The following DYNLT5 variants were observed in gnomAD, a reference collection of about 807,000 sequenced individuals.
DYNLT5 encodes the protein dynein light chain Tctex-type family member 5, also known as dynein light chain Tctex-type 5.
In DYNLT5, 25 loss-of-function variants were observed where a neutral mutation model predicts 19.3. The ratio of observed to expected loss-of-function variants is 1.30; its 90% CI spans 0.95 to 1.81. DYNLT5 has a LOEUF of 1.81. DYNLT5 is among the 40% of genes most tolerant of loss of function. The pLI is 0.00. For synonymous variants in DYNLT5, 82 were observed against 68.9 expected, an observed-to-expected ratio of 1.19 and a Z score of -0.94; for missense variants, 232 against 217.9, an observed-to-expected ratio of 1.06 and a Z score of -0.41.
Position 66,778,857 on chromosome 1 carries a change from C to T in DYNLT5, c.*1403C>T, listed in dbSNP as rs563541855. ...GGAATATGTCTATGTAATAATTTATCACAACCAATATTTGTCAATCTCCAT... is the reference window on the plus strand; with the variant it reads ...GGAATATGTCTATGTAATAATTTATTACAACCAATATTTGTCAATCTCCAT... On this transcript the variant is annotated 3_prime_UTR_variant, in exon 5 of 5. Transcript: ENST00000282670. 2 of 151,866 alleles carry T rather than the reference C, an allele frequency of 1.3e-5. No individual in the cohort carries two copies. The highest frequency in any genetic ancestry group is 3.9e-4 in the East Asian group (2 of 5,172). The allele number at this position is 151,866 out of a possible 1,614,324, so 9.4% of individuals were successfully genotyped here.
intron 2 of DYNLT5, among the ~76,000 whole-genome samples, chr1:66,755,316 C>T (rs1305555578): frequency 6.6e-6 from 1 of 151,976 alleles, no homozygotes; most frequent in Non-Finnish European, 1.5e-5. Context: ...TGTGCTTGGT[C>T]ATTTCCCAGA....
chr1:66,763,587 G>A (rs553368468), intron 2 of DYNLT5, among the ~76,000 whole-genome samples: 1 of 152,350 alleles, frequency 6.6e-6, no homozygotes, highest in South Asian at 2.1e-4. Context: ...ACTTGCTGCA[G>A]CTTCTACATC....
intron 2 of DYNLT5, among the ~76,000 whole-genome samples, chr1:66,765,704 C>T (rs187463265): frequency 4.4e-4 from 65 of 148,848 alleles, no homozygotes; most frequent in African/African-American, 1.3e-3. Context: ...GGCGTGATCT[C>T]GGCTAACTGC....
intron 3 of DYNLT5, among the ~76,000 whole-genome samples, chr1:66,772,446 C>A (rs947273187): frequency 2.0e-5 from 3 of 152,224 alleles, no homozygotes; most frequent in Non-Finnish European, 1.5e-5. Context: ...CATGAGGGAT[C>A]CACCTTCCTG....
At chr1:66,754,615 G>T in intron 1 of DYNLT5, 41 bp from the exon 2 acceptor site, 1 of 1,556,822 alleles carries the variant, frequency 6.4e-7, no homozygotes, top group Non-Finnish European at 8.7e-7. Context: ...AAATGTTTCC[G>T]GATCTTTCTT....
At chr1:66,756,475 G>A (rs950424346) in intron 2 of DYNLT5, among the ~76,000 whole-genome samples, 13 of 152,164 alleles carry the variant, frequency 8.5e-5, no homozygotes, top group African/African-American at 3.1e-4. Context: ...TACAGGCATT[G>A]TTTTGAAATT....
At chr1:66,758,399 A>T (rs185137100) in intron 2 of DYNLT5, among the ~76,000 whole-genome samples, 5 of 152,288 alleles carry the variant, frequency 3.3e-5, no homozygotes, top group African/African-American at 1.2e-4. Context: ...CATGATGTCT[A>T]GGCTTGTTAT....
chr1:66,767,845 C>T (rs550178076), intron 2 of DYNLT5, among the ~76,000 whole-genome samples: 1 of 152,166 alleles, frequency 6.6e-6, no homozygotes, highest in Non-Finnish European at 1.5e-5. Flanking sequence ...CTCCTATAGG[C>T]TGCATTAGTT....
intron 2 of DYNLT5, among the ~76,000 whole-genome samples, chr1:66,755,250 C>G (rs1381643727): frequency 6.6e-6 from 1 of 152,108 alleles, no homozygotes; most frequent in African/African-American, 2.4e-5. Context: ...TAACCATTCT[C>G]TAATTATTGG....
intron 2 of DYNLT5, among the ~76,000 whole-genome samples, chr1:66,761,554 C>A (rs2094645953): frequency 6.6e-6 from 1 of 152,092 alleles, no homozygotes; most frequent in Non-Finnish European, 1.5e-5. Flanking sequence ...GGAGCCAAGG[C>A]AAGAGGATCA....
chr1:66,770,849 A>G, intron 3 of DYNLT5: 1 of 277,968 alleles, frequency 3.6e-6, no homozygotes. Flanking sequence ...GGTGAAGGAA[A>G]AAAAAAAACT....
intron 2 of DYNLT5, among the ~76,000 whole-genome samples, chr1:66,766,351 A>G (rs936158720): frequency 6.6e-6 from 1 of 152,212 alleles, no homozygotes; most frequent in African/African-American, 2.4e-5. Context: ...TATATACCCC[A>G]AAAATGTATT....
At position 66,753,094 on chromosome 1, in the gene DYNLT5, C is replaced by T. The variant is rs570135745; in HGVS notation, c.-4+510C>T. Among the ~76,000 whole-genome samples the T allele has an allele frequency of 9.2e-5, 14 of 152,284 alleles. No individual in the cohort carries two copies. The South Asian group carries it at 2.7e-3, about 29-fold the overall frequency. On this transcript the variant is annotated intron_variant, in intron 1 of 4. Transcript: ENST00000282670. ...ACAGACACACTTATACACACAGGCA[C>T]CTGCACACACAGAGATGCACACTCA... is the stretch of plus-strand genomic sequence containing the variant.
At chr1:66,761,402 A>G (rs2150861742) in intron 2 of DYNLT5, among the ~76,000 whole-genome samples, 1 of 152,342 alleles carries the variant, frequency 6.6e-6, no homozygotes, top group Non-Finnish European at 1.5e-5. Flanking sequence ...TCTTTTTGCT[A>G]GTGGAGGGCC....
chr1:66,762,907 A>G (rs28878898), intron 2 of DYNLT5, among the ~76,000 whole-genome samples: 12,012 of 152,238 alleles, frequency 0.079, 1,074 homozygotes, highest in African/African-American at 0.22. Flanking sequence ...GTTTGAGGCA[A>G]TGGATATCCC....
chr1:66,766,683 T>C (rs568128017), intron 2 of DYNLT5, among the ~76,000 whole-genome samples: 1 of 152,332 alleles, frequency 6.6e-6, no homozygotes, highest in Admixed American at 6.5e-5. Flanking sequence ...CTATTCAACA[T>C]TTTCCTTCTT....
chr1:66,774,195 T>A (rs1645221662), intron 3 of DYNLT5, among the ~76,000 whole-genome samples: 1 of 152,140 alleles, frequency 6.6e-6, no homozygotes. Flanking sequence ...CTTACCACCA[T>A]GAAAAACATG....
In DYNLT5 at chr1:66,778,296, C is replaced by T. The variant is rs1645248833; in HGVS notation, c.*842C>T. ...TTTTTCACAAAATATATGGCTGGCA[C>T]CTTAACAAATAAAGCATGTGTAGTT... On this transcript the variant is annotated 3_prime_UTR_variant, in exon 5 of 5. Coordinates refer to ENST00000282670, the MANE Select transcript of DYNLT5 (RefSeq NM_152665.3). 1 of 152,536 alleles carries T rather than the reference C, an allele frequency of 6.6e-6. No individual in the cohort carries two copies. Among genetic ancestry groups the T allele is most frequent in the East Asian group, 1.9e-4 (1 of 5,204 alleles). The allele number at this position is 152,536 out of a possible 1,614,324, so 9.4% of individuals were successfully genotyped here. A position where few individuals can be genotyped will look rare whatever the true frequency, so the allele number is the denominator to read the frequency against.
At position 66,778,607 on chromosome 1, in the gene DYNLT5, A is replaced by G. The variant is rs2150870747; in HGVS notation, c.*1153A>G. On this transcript the variant is annotated 3_prime_UTR_variant, in exon 5 of 5. Coordinates refer to ENST00000282670, the MANE Select transcript of DYNLT5 (RefSeq NM_152665.3). ...ATTAGCAATGCTGTAGTCTTAAGGA[A>G]AAAATGATTTATCATTCATATCAAA... 6.5e-6 allele frequency: 1 copy of G among 152,772 alleles called. No individual in the cohort carries two copies. The highest frequency in any genetic ancestry group is 1.5e-5 in the Non-Finnish European group (1 of 68,032). 9.5% of individuals were successfully genotyped at this position (152,772 alleles called of 1,614,324 possible). A position where few individuals can be genotyped will look rare whatever the true frequency, so the allele number is the denominator to read the frequency against.
Sources: allele counts gnomAD v4.1 joint callset (sites outside exome capture counted in the v4.1 genomes callset), GRCh38; gene constraint gnomAD v4.1.1; transcripts MANE v1.5; gene names NCBI Gene and HGNC (gene_info 2026-07-23, HGNC 2026-07-21).